SMIM36: variants seen among roughly 807,000 people sequenced by gnomAD.
SMIM36 encodes the protein small integral membrane protein 36.
intron 1 of SMIM36, among the ~76,000 whole-genome samples, chr17:55,496,266 T>C (rs1909805653): frequency 6.6e-6 from 1 of 152,176 alleles, no homozygotes; most frequent in African/African-American, 2.4e-5. Context: ...TCCTGAGCTT[T>C]GTATTGTACG....
At chr17:55,494,675 T>C (rs953301686) in intron 1 of SMIM36, among the ~76,000 whole-genome samples, 2 of 152,176 alleles carry the variant, frequency 1.3e-5, no homozygotes, top group Non-Finnish European at 2.9e-5. Context: ...TTGTATATTT[T>C]GTTTGAACAC....
Position 55,474,070 on chromosome 17 carries a change from G to A in SMIM36, c.*347+4692C>T, listed in dbSNP as rs567277383. Among the ~76,000 whole-genome samples the A allele has an allele frequency of 3.3e-5, 5 of 152,168 alleles. No individual in the cohort carries two copies. In the South Asian group the frequency reaches 6.2e-4, roughly 19 times the overall value. On this transcript the variant is annotated intron_variant, in intron 3 of 4. Transcript: ENST00000636752. ...GCTCAATCAATCACGACCCTCTCAC[G>A]CGGACCCCCTTAGAGTTGTAAGCCC...
intron 4 of SMIM36, among the ~76,000 whole-genome samples, chr17:55,466,449 A>AG (rs1909240375): frequency 1.3e-5 from 2 of 152,174 alleles, no homozygotes; most frequent in African/African-American, 4.8e-5. Context: ...GTTACCAAGC[A>AG]GGGGTCCATG....
At chr17:55,530,081 A>C in the SMIM36 span, among the ~76,000 whole-genome samples, 1 of 152,232 alleles carries the variant, frequency 6.6e-6, no homozygotes, top group Non-Finnish European at 1.5e-5. Context: ...AGGAAAGAGA[A>C]ATAAAAGAGA....
chr17:55,474,649 T>C (rs774978219), intron 3 of SMIM36, among the ~76,000 whole-genome samples: 1 of 152,332 alleles, frequency 6.6e-6, no homozygotes, highest in Non-Finnish European at 1.5e-5. Flanking sequence ...CTGGCTTGGA[T>C]TTCCTGATAC....
chr17:55,510,152 C>T (rs28627167), intron 1 of SMIM36, among the ~76,000 whole-genome samples: 28 of 151,924 alleles, frequency 1.8e-4, no homozygotes, highest in African/African-American at 6.3e-4. Flanking sequence ...TAACCATGGC[C>T]ACACAGCTAG....
chr17:55,484,458 T>G (rs1250369322), intron 1 of SMIM36, among the ~76,000 whole-genome samples: 1 of 152,200 alleles, frequency 6.6e-6, no homozygotes, highest in Admixed American at 6.5e-5. Flanking sequence ...ACGAAGAACT[T>G]TACAATGGCT....
chr17:55,464,675 T>C (rs2143245995), intron 4 of SMIM36, among the ~76,000 whole-genome samples: 1 of 152,296 alleles, frequency 6.6e-6, no homozygotes, highest in African/African-American at 2.4e-5. Flanking sequence ...AGGCTCTAGT[T>C]ATAGGGATTA....
chr17:55,456,459 C>T (rs1447291460), intron 4 of SMIM36, among the ~76,000 whole-genome samples: 1 of 152,156 alleles, frequency 6.6e-6, no homozygotes, highest in Non-Finnish European at 1.5e-5. Context: ...TTTTTTCCCA[C>T]AGTAGACAAA....
At chr17:55,486,913 T>C (rs539925619) in intron 1 of SMIM36, among the ~76,000 whole-genome samples, 6 of 152,158 alleles carry the variant, frequency 3.9e-5, no homozygotes, top group Non-Finnish European at 8.8e-5. Context: ...TAAAGATCAA[T>C]TGATGGATGA....
intron 1 of SMIM36, among the ~76,000 whole-genome samples, chr17:55,488,233 T>C (rs1364012678): frequency 6.6e-6 from 1 of 151,686 alleles, no homozygotes; most frequent in East Asian, 1.9e-4. Context: ...ATGTGCCCAC[T>C]TGGTCCCTGC....
the SMIM36 span, among the ~76,000 whole-genome samples, chr17:55,529,245 TA>T: frequency 6.6e-6 from 1 of 152,226 alleles, no homozygotes; most frequent in Non-Finnish European, 1.5e-5. Flanking sequence ...AGAATATGGT[TA>T]AAAAATGCTA....
intron 1 of SMIM36, among the ~76,000 whole-genome samples, chr17:55,502,858 C>A (rs1910017337): frequency 9.9e-6 from 1 of 101,168 alleles, no homozygotes; most frequent in Admixed American, 9.2e-5. Flanking sequence ...ACTAGAATAA[C>A]CAATACAGAG....
intron 4 of SMIM36, among the ~76,000 whole-genome samples, chr17:55,460,052 A>C (rs1196365030): frequency 6.6e-6 from 1 of 152,304 alleles, no homozygotes; most frequent in African/African-American, 2.4e-5. Context: ...TATTATTATC[A>C]CTACTAGTAG....
chr17:55,500,606 T>C (rs764401496), intron 1 of SMIM36, among the ~76,000 whole-genome samples: 5 of 150,994 alleles, frequency 3.3e-5, no homozygotes, highest in Non-Finnish European at 7.4e-5. Context: ...CTTTAGAGTA[T>C]TTTTAGTTTT....
the SMIM36 span, among the ~76,000 whole-genome samples, chr17:55,518,063 A>G: frequency 1.3e-5 from 2 of 152,346 alleles, no homozygotes; most frequent in South Asian, 2.1e-4. Context: ...TTGTGCTGCT[A>G]TAACAGAATA....
Position 55,481,048 on chromosome 17 carries a change from CTCTG to C in SMIM36, c.*175-1472_*175-1469del, listed in dbSNP as rs1909510576. Among the ~76,000 whole-genome samples, 4 of 151,920 alleles carry C rather than the reference CTCTG, an allele frequency of 2.6e-5. No homozygotes were observed. In the South Asian group the frequency reaches 6.2e-4, roughly 24 times the overall value. On this transcript the variant is annotated intron_variant, in intron 1 of 4. Transcript: ENST00000636752. ...TATATACATTCTCTTTATTCTCTCT[CTCTG>C]TCTCTTTCTGTCTCTGTCTCCCTGT...
At chr17:55,454,483 T>A (rs563763093) in intron 4 of SMIM36, among the ~76,000 whole-genome samples, 1 of 152,352 alleles carries the variant, frequency 6.6e-6, no homozygotes, top group East Asian at 1.9e-4. Context: ...TCACACGTTA[T>A]TTTTTAAGAC....
At chr17:55,531,761 T>C in the SMIM36 span, among the ~76,000 whole-genome samples, 2 of 152,190 alleles carry the variant, frequency 1.3e-5, no homozygotes, top group African/African-American at 4.8e-5. Context: ...GGAGCTATAG[T>C]AGACATAATT....
Sources: allele counts gnomAD v4.1 joint callset (sites outside exome capture counted in the v4.1 genomes callset), GRCh38; gene constraint gnomAD v4.1.1; transcripts MANE v1.5; gene names NCBI Gene and HGNC (gene_info 2026-07-23, HGNC 2026-07-21).